WWOX: variants seen among roughly 807,000 people sequenced by gnomAD.
WWOX encodes the protein WW domain containing oxidoreductase.
In WWOX, 69 loss-of-function variants were observed where a neutral mutation model predicts 46.2. The ratio of observed to expected loss-of-function variants is 1.49; its 90% CI spans 1.23 to 1.82. The LOEUF is 1.82. WWOX is among the 40% of genes most tolerant of loss of function. The pLI is 0.00. For synonymous variants in WWOX, 359 were observed against 202.6 expected (o/e 1.77, Z -6.56); for missense variants, 919 against 542.6 (o/e 1.69, Z -6.89).
At chr16:79,166,749 C>T (rs576863377) in intron 8 of WWOX, among the ~76,000 whole-genome samples, 12 of 152,296 alleles carry the variant, frequency 7.9e-5, no homozygotes, top group African/African-American at 2.6e-4. Flanking sequence ...TTATTCATTA[C>T]AATGAAGCTC....
chr16:78,296,722 C>G (rs1380309505), intron 5 of WWOX, among the ~76,000 whole-genome samples: 1 of 151,954 alleles, frequency 6.6e-6, no homozygotes, highest in Non-Finnish European at 1.5e-5. Context: ...TAGCAGGGAG[C>G]TGCTGTTGTG....
chr16:78,758,927 C>A (rs866283145), intron 8 of WWOX, among the ~76,000 whole-genome samples: 7 of 148,926 alleles, frequency 4.7e-5, no homozygotes, highest in East Asian at 3.9e-4. Context: ...TTAAAAAAAA[C>A]CACAAAAGAC....
At position 79,046,676 on chromosome 16, in the gene WWOX, A is replaced by C. The variant is rs182064983; in HGVS notation, c.1057-164932A>C. On this transcript the variant is annotated intron_variant, in intron 8 of 8. Transcript: ENST00000566780. Reference sequence around the variant, plus strand: ...CGGTGAGCATAGCTTGGCTCAGCCCAGCAGGAGATTTTGAACCGACTCTGG... The same window carrying C: ...CGGTGAGCATAGCTTGGCTCAGCCCCGCAGGAGATTTTGAACCGACTCTGG... 3.1e-4 allele frequency among the ~76,000 whole-genome samples: 47 copies of C among 152,264 alleles called. No homozygotes were observed. In the East Asian group the frequency reaches 8.9e-3, roughly 29 times the overall value.
At position 78,527,628 on chromosome 16, in the gene WWOX, A is replaced by G. The variant is rs960278963; in HGVS notation, c.1056+94876A>G. The stretch of plus-strand genomic sequence containing the variant: ...TCTCTTAATGAGTTTAACTACATTT[A>G]ACCATGTATGTGTCAGTCCTACTAT... On this transcript the variant is annotated intron_variant, in intron 8 of 8. Coordinates refer to ENST00000566780, the MANE Select transcript of WWOX (RefSeq NM_016373.4). 1.6e-4 allele frequency among the ~76,000 whole-genome samples: 24 copies of G among 152,284 alleles called. No homozygotes were observed. In the East Asian group the frequency reaches 3.3e-3, roughly 21 times the overall value.
chr16:78,570,779 T>C (rs1396589187), intron 8 of WWOX, among the ~76,000 whole-genome samples: 1 of 152,124 alleles, frequency 6.6e-6, no homozygotes, highest in African/African-American at 2.4e-5. Flanking sequence ...CCAGTGGCGA[T>C]ACATTTTCAG....
chr16:79,186,392 C>T (rs942560657), intron 8 of WWOX, among the ~76,000 whole-genome samples: 4 of 152,136 alleles, frequency 2.6e-5, no homozygotes, highest in South Asian at 2.1e-4. Context: ...TCAGTGGCAA[C>T]GCTTGGTGTT....
At chr16:78,293,538 G>A (rs947455485) in intron 5 of WWOX, among the ~76,000 whole-genome samples, 1 of 152,046 alleles carries the variant, frequency 6.6e-6, no homozygotes, top group East Asian at 1.9e-4. Context: ...AGCGGGAACT[G>A]GGCAATTGGA....
At chr16:78,150,219 A>C (rs1048613629) in intron 4 of WWOX, among the ~76,000 whole-genome samples, 4 of 152,186 alleles carry the variant, frequency 2.6e-5, no homozygotes, top group Non-Finnish European at 5.9e-5. Context: ...CCTGTTTATG[A>C]TAAAGGATAT....
At chr16:79,042,783 A>G (rs939888282) in intron 8 of WWOX, among the ~76,000 whole-genome samples, 1 of 150,298 alleles carries the variant, frequency 6.7e-6, no homozygotes, top group Non-Finnish European at 1.5e-5. Flanking sequence ...TCTCAAATGC[A>G]CATTTGTCTA....
rs1224600590 is a variant in WWOX, at chr16:78,342,816, AC to A, written c.517-44042del. 1.4e-4 allele frequency among the ~76,000 whole-genome samples: 17 copies of A among 120,084 alleles called. 8 individuals carry two copies. Among genetic ancestry groups the A allele is most frequent in the Admixed American group, 1.0e-3 (13 of 12,422 alleles). The allele number at this position is 120,084 out of a possible 152,430, so 78.8% of individuals were successfully genotyped here. On this transcript the variant is annotated intron_variant, in intron 5 of 8. Transcript: ENST00000566780. ...ATTCCACTATCATTCTGCCATCAACACCGAGGTGTCGGAGTAGCAGGAGAGC... is the reference window on the plus strand; with the variant it reads ...ATTCCACTATCATTCTGCCATCAACACGAGGTGTCGGAGTAGCAGGAGAGC...
chr16:78,957,410 A>G (rs1178615376), intron 8 of WWOX, among the ~76,000 whole-genome samples: 1 of 152,130 alleles, frequency 6.6e-6, no homozygotes, highest in African/African-American at 2.4e-5. Flanking sequence ...AACACCCACA[A>G]ATGTGAATGC....
intron 8 of WWOX, among the ~76,000 whole-genome samples, chr16:78,922,823 C>G (rs1424584717): frequency 6.6e-6 from 1 of 152,140 alleles, no homozygotes; most frequent in Non-Finnish European, 1.5e-5. Context: ...TTGGGGGTCC[C>G]AGTCCTGGGC....
intron 8 of WWOX, among the ~76,000 whole-genome samples, chr16:78,681,039 G>C (rs992016654): frequency 6.6e-6 from 1 of 152,066 alleles, no homozygotes; most frequent in Non-Finnish European, 1.5e-5. Flanking sequence ...GCCTGAGGTC[G>C]AGAGTTCGAG....
At chr16:79,003,287 G>C (rs1025433051) in intron 8 of WWOX, among the ~76,000 whole-genome samples, 30 of 152,160 alleles carry the variant, frequency 2.0e-4, no homozygotes, top group African/African-American at 6.3e-4. Context: ...GGCAATCAAA[G>C]TCTATTGTCA....
chr16:79,063,594 G>T (rs1211414467), intron 8 of WWOX, among the ~76,000 whole-genome samples: 2 of 152,162 alleles, frequency 1.3e-5, no homozygotes. Flanking sequence ...TGGAAACAAG[G>T]TTGGGTCTAC....
At chr16:79,035,940 C>G (rs1234128005) in intron 8 of WWOX, among the ~76,000 whole-genome samples, 6 of 152,202 alleles carry the variant, frequency 3.9e-5, no homozygotes, top group African/African-American at 1.2e-4. Flanking sequence ...GTCTCAAGAT[C>G]TTAGAAGGCC....
chr16:78,712,465 G>A (rs887905963), intron 8 of WWOX, among the ~76,000 whole-genome samples: 3 of 151,174 alleles, frequency 2.0e-5, no homozygotes, highest in African/African-American at 7.3e-5. Context: ...TTATACCACT[G>A]CACTCCAGCC....
chr16:78,644,014 G>A (rs763247716), intron 8 of WWOX, among the ~76,000 whole-genome samples: 6 of 152,128 alleles, frequency 3.9e-5, no homozygotes, highest in Non-Finnish European at 5.9e-5. Context: ...CGTGAGGTCA[G>A]GAGTTTGAGA....
At chr16:78,565,440 C>T (rs913920018) in intron 8 of WWOX, among the ~76,000 whole-genome samples, 2 of 152,190 alleles carry the variant, frequency 1.3e-5, no homozygotes, top group Admixed American at 1.3e-4. Flanking sequence ...TGGCTTCAAA[C>T]CAGCAGTTTA....
Sources: gnomAD v4.1 joint callset for allele counts (sites outside exome capture counted in the v4.1 genomes callset) on GRCh38, gnomAD v4.1.1 for gene constraint, MANE v1.5 for transcripts, NCBI Gene and HGNC (gene_info 2026-07-23, HGNC 2026-07-21) for gene names.